The following KALRN variants were observed in gnomAD, a reference collection of about 807,000 sequenced individuals.
KALRN encodes kalirin.
Under a neutral mutation model 353.7 loss-of-function variants are expected in KALRN, and 70 were observed. The ratio of observed to expected loss-of-function variants is 0.20; its 90% CI spans 0.16 to 0.24. The LOEUF (loss-of-function observed/expected upper bound fraction) is 0.24. KALRN is among the 10% of genes least tolerant of loss of function. KALRN has a pLI of 1.00. For synonymous variants in KALRN, 1,391 were observed against 1,434.8 expected, an observed-to-expected ratio of 0.97 and a Z score of 0.69; for missense variants, 2,791 against 3,756.7, an observed-to-expected ratio of 0.74 and a Z score of 6.72.
chr3:124,084,885 G>A (rs1459490114), intron 1 of KALRN, among the ~76,000 whole-genome samples: 1 of 152,186 alleles, frequency 6.6e-6, no homozygotes, highest in Non-Finnish European at 1.5e-5. Flanking sequence ...AGTGCAACCA[G>A]ATGTTCAGAG....
chr3:124,396,260 T>TC (rs2090143442), intron 12 of KALRN, among the ~76,000 whole-genome samples: 1 of 151,708 alleles, frequency 6.6e-6, no homozygotes. Flanking sequence ...GGAGAGGGTT[T>TC]TTTTCACCCA....
At chr3:124,043,740 G>A (rs2040174261) in intron 1 of KALRN, among the ~76,000 whole-genome samples, 2 of 152,132 alleles carry the variant, frequency 1.3e-5, no homozygotes, top group Admixed American at 6.5e-5. Context: ...GCTAAGAAGC[G>A]AGGCTGGGAG....
At chr3:124,626,781 TAA>T (rs1436671185) in intron 34 of KALRN, among the ~76,000 whole-genome samples, 1 of 152,186 alleles carries the variant, frequency 6.6e-6, no homozygotes, top group Non-Finnish European at 1.5e-5. Context: ...CCTTCTATAA[TAA>T]TGGTAAAGAT....
chr3:124,459,798 A>C (rs1234676048), intron 23 of KALRN, among the ~76,000 whole-genome samples: 2 of 152,220 alleles, frequency 1.3e-5, no homozygotes, highest in Non-Finnish European at 2.9e-5. Flanking sequence ...TATTTTATCA[A>C]GATGAAGTAG....
At chr3:124,373,256 C>T (rs478129) in intron 10 of KALRN, among the ~76,000 whole-genome samples, 28,899 of 152,050 alleles carry the variant, frequency 0.19, 2,841 homozygotes, top group Middle Eastern at 0.23. Context: ...AATGGTGGTT[C>T]TCAACTGGAA....
intron 10 of KALRN, among the ~76,000 whole-genome samples, chr3:124,377,994 A>G (rs1485244257): frequency 6.6e-6 from 1 of 152,002 alleles, no homozygotes; most frequent in Non-Finnish European, 1.5e-5. Flanking sequence ...TTTTTTATCT[A>G]ATCTGACAAT....
At chr3:124,355,881 A>G (rs910245941) in intron 10 of KALRN, among the ~76,000 whole-genome samples, 3 of 151,810 alleles carry the variant, frequency 2.0e-5, no homozygotes, top group African/African-American at 7.3e-5. Context: ...ACACCCTGCT[A>G]ATTTTATATT....
intron 1 of KALRN, among the ~76,000 whole-genome samples, chr3:124,184,825 A>T (rs1322413814): frequency 2.0e-5 from 3 of 152,242 alleles, no homozygotes; most frequent in Non-Finnish European, 4.4e-5. Flanking sequence ...TGAATTAAAA[A>T]AATGAACAAA....
At chr3:124,340,779 A>G (rs1220370793) in intron 9 of KALRN, among the ~76,000 whole-genome samples, 1 of 152,078 alleles carries the variant, frequency 6.6e-6, no homozygotes, top group Non-Finnish European at 1.5e-5. Flanking sequence ...ACATGGCAAA[A>G]CCCCGTCTCT....
intron 8 of KALRN, among the ~76,000 whole-genome samples, chr3:124,332,970 G>GA (rs1163837641): frequency 1.3e-5 from 2 of 151,754 alleles, no homozygotes; most frequent in African/African-American, 2.4e-5. Flanking sequence ...TATAAAAAAA[G>GA]AAAAAAAAGA....
rs529080323 is a variant in KALRN at position 124,507,337 on chromosome 3, C to G, written c.4935+10924C>G. Among the ~76,000 whole-genome samples, 98 of 152,236 alleles carry G rather than the reference C, an allele frequency of 6.4e-4. No individual in the cohort carries two copies. In the South Asian group the frequency reaches 0.02, roughly 31 times the overall value. ...TAAAAATCTTAAAAGAGAAAGACTT[C>G]TAAAATATGTTCTCTGACATTTAAA... On this transcript the variant is annotated intron_variant, in intron 33 of 59. Coordinates refer to ENST00000682506, the MANE Select transcript of KALRN (RefSeq NM_001388419.1).
rs117542160 is a variant in KALRN at position 124,183,691 on chromosome 3, C to T, written c.74-44299C>T. Among the ~76,000 whole-genome samples, 61 of 152,266 alleles carry T rather than the reference C, an allele frequency of 4.0e-4. No individual in the cohort carries two copies. The East Asian group carries it at 6.6e-3, about 16-fold the overall frequency. On this transcript the variant is annotated intron_variant, in intron 1 of 59. Transcript: ENST00000682506. ...AGCATCAGAGGAAGCCAACCCTGCT[C>T]GACCTTGATCTTGGACTTCCAGCCT...
intron 1 of KALRN, chr3:124,152,361 A>C: frequency 8.4e-7 from 1 of 1,194,618 alleles, no homozygotes; most frequent in South Asian, 1.2e-5. Context: ...GAAGGCGAAG[A>C]AGCTGCAACA....
intron 34 of KALRN, among the ~76,000 whole-genome samples, chr3:124,577,974 CT>C: frequency 6.6e-6 from 1 of 152,312 alleles, no homozygotes; most frequent in South Asian, 2.1e-4. Context: ...TGAAGTGTTT[CT>C]GGTTACTGAT....
At chr3:124,577,037 G>T (rs907226966) in intron 34 of KALRN, among the ~76,000 whole-genome samples, 20 of 152,140 alleles carry the variant, frequency 1.3e-4, no homozygotes, top group African/African-American at 4.8e-4. Context: ...TCAGGCGGCT[G>T]CTCAGTACAG....
At chr3:124,066,761 A>C (rs2042394392) in intron 1 of KALRN, among the ~76,000 whole-genome samples, 1 of 152,176 alleles carries the variant, frequency 6.6e-6, no homozygotes. Context: ...AGCCTTGGGC[A>C]CTCAGCCGGC....
chr3:124,422,793 T>C lies in KALRN; in HGVS notation c.2543-19T>C. On this transcript the variant is annotated intron_variant, in intron 14 of 59. Transcript: ENST00000682506. ...CAGTACTAGCTGGTTTTTAATTGTT[T>C]CCATTTTTTTAAAATCAGGAATTGA... The C allele has an allele frequency of 1.2e-6, 2 of 1,610,230 alleles. No homozygotes were observed. Among genetic ancestry groups the C allele is most frequent in the Non-Finnish European group, 1.7e-6 (2 of 1,177,056 alleles).
intron 33 of KALRN, among the ~76,000 whole-genome samples, chr3:124,558,017 A>G (rs2071487846): frequency 6.6e-6 from 1 of 152,168 alleles, no homozygotes; most frequent in Non-Finnish European, 1.5e-5. Context: ...CTTTGTTTTT[A>G]TCATAACAGG....
chr3:124,328,040 C>G (rs1428611592), intron 7 of KALRN, among the ~76,000 whole-genome samples: 5 of 152,354 alleles, frequency 3.3e-5, no homozygotes, highest in Middle Eastern at 3.4e-3. Context: ...GCTTACTAAA[C>G]AGTGGACATT....
Sources: allele counts gnomAD v4.1 joint callset (sites outside exome capture counted in the v4.1 genomes callset), GRCh38; gene constraint gnomAD v4.1.1; transcripts MANE v1.5; gene names NCBI Gene and HGNC (gene_info 2026-07-23, HGNC 2026-07-21).